Variants in FBP2 observed in about 807,000 individuals in gnomAD.
FBP2 encodes the protein fructose-1,6-bisphosphatase isozyme 2.
In FBP2, 27 loss-of-function variants were observed where a neutral mutation model predicts 31.6. The observed-to-expected ratio is 0.85, with a 90% CI of 0.63 to 1.18. The LOEUF (loss-of-function observed/expected upper bound fraction) is 1.18. FBP2 is among the 50% of genes most tolerant of loss of function. The probability of loss-of-function intolerance (pLI) is 0.00; values close to 1 mark genes in which losing one functional copy is unlikely to be tolerated. For synonymous variants in FBP2, 168 were observed against 179.8 expected, an observed-to-expected ratio of 0.93 and a Z score of 0.53; for missense variants, 421 against 436.1, an observed-to-expected ratio of 0.97 and a Z score of 0.31.
At chr9:94,559,527 C>T (rs1827062780) in intron 6 of FBP2, among the ~76,000 whole-genome samples, 1 of 152,172 alleles carries the variant, frequency 6.6e-6, no homozygotes, top group South Asian at 2.1e-4. Context: ...GGTAAAGAGT[C>T]AAGCTTGGAT....
chr9:94,577,756 G>A (rs532027), intron 3 of FBP2: 140,559 of 152,310 alleles, frequency 0.92, 64,925 homozygotes, highest in African/African-American at 0.95. Context: ...ACAGCTTCCA[G>A]TTTTGTCAGA....
chr9:94,564,595 G>A (rs898522744), intron 5 of FBP2, among the ~76,000 whole-genome samples: 6 of 152,264 alleles, frequency 3.9e-5, no homozygotes, highest in African/African-American at 1.4e-4. Flanking sequence ...TCACTTATAA[G>A]TAGGAGCTAA....
chr9:94,573,949 T>C (rs1481547802), intron 3 of FBP2, among the ~76,000 whole-genome samples: 3 of 152,242 alleles, frequency 2.0e-5, no homozygotes, highest in Non-Finnish European at 4.4e-5. Context: ...ATTTCTTTTC[T>C]TGGGCATGAG....
chr9:94,564,273 ACCAACCACTCT>A (rs1328671766), intron 5 of FBP2, among the ~76,000 whole-genome samples: 3 of 152,220 alleles, frequency 2.0e-5, no homozygotes, highest in Non-Finnish European at 4.4e-5. Context: ...CTGAACTCAT[ACCAACCACTCT>A]CCAACCACGG....
intron 2 of FBP2, 75 bp from the exon 3 acceptor site, chr9:94,584,744 C>T (rs577903671): frequency 3.4e-5 from 30 of 875,692 alleles, no homozygotes; most frequent in African/African-American, 2.5e-4. Context: ...CAGGGCTGTG[C>T]GTGGCAGAGT....
At chr9:94,572,237 G>A (rs1276457721) in intron 3 of FBP2, among the ~76,000 whole-genome samples, 1 of 152,024 alleles carries the variant, frequency 6.6e-6, no homozygotes, top group Non-Finnish European at 1.5e-5. Flanking sequence ...ACATCCAACC[G>A]GTGCAAAATG....
chr9:94,588,326 G>A (rs1254003048), intron 1 of FBP2, among the ~76,000 whole-genome samples: 2 of 152,092 alleles, frequency 1.3e-5, no homozygotes, highest in African/African-American at 2.4e-5. Context: ...GTGCTACTAC[G>A]AGAATTCTAT....
chr9:94,570,926 C>A (rs1389400671), intron 4 of FBP2: 6 of 152,202 alleles, frequency 3.9e-5, no homozygotes, highest in African/African-American at 9.7e-5. Flanking sequence ...AGCTGTAAAT[C>A]AAAAACTTAA....
At chr9:94,564,506 CA>C (rs1217775531) in intron 5 of FBP2, among the ~76,000 whole-genome samples, 1 of 152,168 alleles carries the variant, frequency 6.6e-6, no homozygotes, top group Non-Finnish European at 1.5e-5. Flanking sequence ...CATGTTTTTG[CA>C]GGAACATGGG....
chr9:94,572,771 G>A (rs1827282907), intron 3 of FBP2, among the ~76,000 whole-genome samples: 1 of 152,100 alleles, frequency 6.6e-6, no homozygotes, highest in African/African-American at 2.4e-5. Flanking sequence ...GTGATTTTCA[G>A]CATAAGAATC....
At chr9:94,568,302 A>T (rs1456278853) in intron 4 of FBP2, 3 of 152,232 alleles carry the variant, frequency 2.0e-5, no homozygotes, top group Non-Finnish European at 1.5e-5. Context: ...AGGAATCCTC[A>T]GACATATTAA....
chr9:94,561,350 G>GTGTT (rs1463916724), intron 6 of FBP2, among the ~76,000 whole-genome samples: 1 of 59,796 alleles, frequency 1.7e-5, no homozygotes, highest in Non-Finnish European at 3.8e-5. Flanking sequence ...CATGTGACCT[G>GTGTT]TATTTTTTTT....
At chr9:94,582,476 C>T (rs71498667) in intron 3 of FBP2, among the ~76,000 whole-genome samples, 2 of 151,798 alleles carry the variant, frequency 1.3e-5, no homozygotes, top group Admixed American at 6.6e-5. Context: ...ACTTCCACCT[C>T]CAGGTTCAAG....
chr9:94,566,076 A>G (rs534814121), intron 5 of FBP2, among the ~76,000 whole-genome samples: 6 of 152,350 alleles, frequency 3.9e-5, no homozygotes, highest in African/African-American at 1.4e-4. Flanking sequence ...TAATCTTCTC[A>G]TCAAACAATG....
intron 3 of FBP2, among the ~76,000 whole-genome samples, chr9:94,579,397 CAAAAAAAAAAAAAAA>C (rs35098649): frequency 1.5e-5 from 1 of 66,742 alleles, no homozygotes; most frequent in Non-Finnish European, 2.7e-5. Flanking sequence ...GACTCTGTCT[CAAAAAAAAAAAAAAA>C]AAAAAAAAGT....
At chr9:94,584,695 T>G in intron 2 of FBP2, 26 bp from the exon 3 acceptor site, 1 of 1,411,648 alleles carries the variant, frequency 7.1e-7, no homozygotes, top group Non-Finnish European at 1.0e-6. Flanking sequence ...AAGCACCAAC[T>G]GATCAGCACA....
chr9:94,560,035 G>A (rs1827073887), intron 6 of FBP2, among the ~76,000 whole-genome samples: 1 of 152,204 alleles, frequency 6.6e-6, no homozygotes, highest in South Asian at 2.1e-4. Context: ...TGAAGTGGGA[G>A]GATCAACTGA....
intron 5 of FBP2, among the ~76,000 whole-genome samples, chr9:94,566,506 A>G (rs1314435332): frequency 3.9e-5 from 6 of 152,230 alleles, no homozygotes; most frequent in Non-Finnish European, 7.3e-5. Context: ...AGTTAATCGA[A>G]TATCTATAGA....
chr9:94,577,362 T>C (rs1827325421), intron 3 of FBP2: 1 of 152,250 alleles, frequency 6.6e-6, no homozygotes, highest in Admixed American at 6.5e-5. Flanking sequence ...GATTTTGTCA[T>C]CTTCTCTGGG....
Sources: allele counts gnomAD v4.1 joint callset (sites outside exome capture counted in the v4.1 genomes callset), GRCh38; gene constraint gnomAD v4.1.1; transcripts MANE v1.5; gene names NCBI Gene and HGNC (gene_info 2026-07-23, HGNC 2026-07-21).